SLC35F4: variants seen among roughly 807,000 people sequenced by gnomAD.
SLC35F4 encodes the protein chromosome 14 open reading frame 36.
Under a neutral mutation model 44.2 loss-of-function variants are expected in SLC35F4, and 24 were observed. That is an observed-to-expected ratio of 0.54 (90% confidence interval 0.39 to 0.76). SLC35F4 has a LOEUF of 0.76. Ranked by LOEUF, SLC35F4 falls within the 30% of genes least tolerant of loss-of-function variation. The pLI is 0.00. For missense variants in SLC35F4, 562 were observed against 586.1 expected, an observed-to-expected ratio of 0.96 and a Z score of 0.42; for synonymous variants, 238 against 223.6, an observed-to-expected ratio of 1.06 and a Z score of -0.57.
intron 1 of SLC35F4, among the ~76,000 whole-genome samples, chr14:57,863,892 A>C (rs552763338): frequency 3.9e-5 from 6 of 152,312 alleles, no homozygotes; most frequent in Admixed American, 3.3e-4. Flanking sequence ...ATGCCAAGTT[A>C]ATCTTTATCC....
At chr14:57,617,018 A>T (rs1266158900) in intron 1 of SLC35F4, among the ~76,000 whole-genome samples, 7 of 152,152 alleles carry the variant, frequency 4.6e-5, no homozygotes, top group African/African-American at 1.7e-4. Flanking sequence ...GTGAATGTTA[A>T]GTCAGATAAC....
At chr14:57,939,051 G>A (rs781548455) in intron 1 of SLC35F4, among the ~76,000 whole-genome samples, 4 of 152,060 alleles carry the variant, frequency 2.6e-5, no homozygotes, top group African/African-American at 4.8e-5. Flanking sequence ...AGAGGTAGCT[G>A]AGCAAAGTGG....
chr14:57,632,318 C>T (rs939976197), intron 1 of SLC35F4, among the ~76,000 whole-genome samples: 8 of 151,636 alleles, frequency 5.3e-5, no homozygotes, highest in Admixed American at 4.6e-4. Flanking sequence ...CAAAACAGGA[C>T]CCAGCTTATT....
intron 1 of SLC35F4, among the ~76,000 whole-genome samples, chr14:57,702,017 G>A (rs1203602387): frequency 6.6e-6 from 1 of 152,136 alleles, no homozygotes; most frequent in East Asian, 1.9e-4. Flanking sequence ...GAGAGACAAA[G>A]CTGTATCCAT....
chr14:57,973,997 C>T (rs1226985841), downstream of SLC35F4, among the ~76,000 whole-genome samples: 2 of 152,092 alleles, frequency 1.3e-5, no homozygotes, highest in African/African-American at 4.8e-5. Flanking sequence ...GTAACTACCC[C>T]AAGAGTTAGT....
At chr14:57,597,890 T>C (rs1334984502) in intron 1 of SLC35F4, among the ~76,000 whole-genome samples, 1 of 152,194 alleles carries the variant, frequency 6.6e-6, no homozygotes, top group Non-Finnish European at 1.5e-5. Context: ...TAATTGAGAT[T>C]CAGGCAGTAT....
At chr14:57,661,323 G>T (rs1445190576) in intron 1 of SLC35F4, among the ~76,000 whole-genome samples, 1 of 152,092 alleles carries the variant, frequency 6.6e-6, no homozygotes, top group Admixed American at 6.6e-5. Flanking sequence ...ATTGCTAAGG[G>T]TCTCATTACT....
chr14:57,593,846 G>T, intron 2 of SLC35F4, 93 bp downstream of exon 2: 1 of 1,398,566 alleles, frequency 7.2e-7, no homozygotes, highest in Non-Finnish European at 9.8e-7. Context: ...AAGAGTCCGT[G>T]TAACATCTCT....
chr14:57,870,800 A>G (rs1888282464), upstream of SLC35F4, among the ~76,000 whole-genome samples: 2 of 152,120 alleles, frequency 1.3e-5, no homozygotes, highest in Admixed American at 1.3e-4. Context: ...CTCTCCATTC[A>G]CACTCTTGGA....
At chr14:57,603,362 T>C (rs1175551642) in intron 1 of SLC35F4, among the ~76,000 whole-genome samples, 1 of 152,232 alleles carries the variant, frequency 6.6e-6, no homozygotes, top group Non-Finnish European at 1.5e-5. Context: ...CTTAGACTTC[T>C]GTCCTGTGTT....
chr14:57,722,805 G>A lies in SLC35F4; in HGVS notation c.104-128681C>T, dbSNP rs1223492905. Among the ~76,000 whole-genome samples the A allele has an allele frequency of 2.6e-5, 4 of 152,224 alleles. No individual in the cohort carries two copies. The East Asian group carries it at 7.7e-4, about 29-fold the overall frequency. On this transcript the variant is annotated intron_variant, in intron 1 of 7. Coordinates refer to ENST00000556826, the MANE Select transcript of SLC35F4 (RefSeq NM_001306087.2). ...AAGCAGAAAACTTCTAGGTTGAATG[G>A]ACAAAAGACAAATTTGAATTATACA... is the stretch of plus-strand genomic sequence containing the variant.
chr14:57,931,602 C>A (rs1457334821), intron 1 of SLC35F4, among the ~76,000 whole-genome samples: 7 of 151,884 alleles, frequency 4.6e-5, no homozygotes, highest in African/African-American at 1.5e-4. Flanking sequence ...GAGAAAAAAA[C>A]AACCCACTGC....
intron 1 of SLC35F4, among the ~76,000 whole-genome samples, chr14:57,865,384 A>G (rs1032552614): frequency 3.3e-5 from 5 of 151,582 alleles, no homozygotes; most frequent in Admixed American, 3.3e-4. Context: ...GTGAACAGCC[A>G]TGTTAGCCTC....
intron 1 of SLC35F4, among the ~76,000 whole-genome samples, chr14:57,632,349 C>G (rs2072820322): frequency 6.6e-6 from 1 of 151,008 alleles, no homozygotes; most frequent in Non-Finnish European, 1.5e-5. Flanking sequence ...GTAAATCAAG[C>G]AAACATGTTA....
chr14:57,620,632 C>G (rs1321795148), intron 1 of SLC35F4, among the ~76,000 whole-genome samples: 1 of 152,128 alleles, frequency 6.6e-6, no homozygotes, highest in East Asian at 1.9e-4. Context: ...CAGTTTTTGC[C>G]CATTCAGTAT....
rs552961725 is a variant in SLC35F4, at chr14:57,839,509, T to C, written c.103+26214A>G. 7.2e-5 allele frequency among the ~76,000 whole-genome samples: 11 copies of C among 152,128 alleles called. No individual in the cohort carries two copies. The South Asian group carries it at 1.9e-3, about 26-fold the overall frequency. The stretch of plus-strand genomic sequence containing the variant: ...CAAAACCAAACACTGAATGTTCTCG[T>C]TTGTAAGTAGGAGCTGTATGATGAG... On this transcript the variant is annotated intron_variant, in intron 1 of 7. Transcript: ENST00000556826.
At chr14:57,949,020 T>A (rs1399068311) in intron 1 of SLC35F4, among the ~76,000 whole-genome samples, 2 of 151,752 alleles carry the variant, frequency 1.3e-5, no homozygotes, top group Non-Finnish European at 3.0e-5. Flanking sequence ...AAGTTACAGA[T>A]GTTCTGTAAA....
At chr14:57,692,971 T>G (rs1316674233) in intron 1 of SLC35F4, among the ~76,000 whole-genome samples, 4 of 152,192 alleles carry the variant, frequency 2.6e-5, no homozygotes, top group African/African-American at 9.7e-5. Flanking sequence ...TCACACAATT[T>G]TTATAAATAC....
intron 1 of SLC35F4, among the ~76,000 whole-genome samples, chr14:57,890,483 T>A (rs999705574): frequency 6.6e-6 from 1 of 152,238 alleles, no homozygotes; most frequent in African/African-American, 2.4e-5. Context: ...AGACAAATTA[T>A]ATCCCAGTGG....
Sources: gnomAD v4.1 joint callset for allele counts (sites outside exome capture counted in the v4.1 genomes callset) on GRCh38, gnomAD v4.1.1 for gene constraint, MANE v1.5 for transcripts, NCBI Gene and HGNC (gene_info 2026-07-23, HGNC 2026-07-21) for gene names.